TRPC7: variants seen among roughly 807,000 people sequenced by gnomAD.
The protein encoded by TRPC7 is short transient receptor potential channel 7.
A neutral mutation model predicts 90.1 loss-of-function variants in TRPC7; 42 were observed. The observed-to-expected ratio is 0.47, with a 90% CI of 0.36 to 0.60. The LOEUF (loss-of-function observed/expected upper bound fraction) is 0.60, where lower values mean the gene tolerates loss of function less well. TRPC7 is among the 20% of genes least tolerant of loss of function. TRPC7 has a pLI of 0.00. For missense variants in TRPC7, 955 were observed against 1,112.3 expected (o/e 0.86, Z 2.01); for synonymous variants, 451 against 436.3 (o/e 1.03, Z -0.42).
At chr5:136,309,523 A>T (rs573233981) in intron 3 of TRPC7, among the ~76,000 whole-genome samples, 1 of 152,304 alleles carries the variant, frequency 6.6e-6, no homozygotes, top group East Asian at 1.9e-4. Context: ...GCTAGCTGCC[A>T]AATAGCGCCG....
chr5:136,231,023 GA>G (rs1265181584), intron 8 of TRPC7, among the ~76,000 whole-genome samples: 2 of 152,196 alleles, frequency 1.3e-5, no homozygotes, highest in Non-Finnish European at 2.9e-5. Context: ...CGTGAGAGGC[GA>G]AAGGGGCCTG....
chr5:136,345,172 T>C (rs554782171), intron 2 of TRPC7, among the ~76,000 whole-genome samples: 2 of 152,324 alleles, frequency 1.3e-5, no homozygotes, highest in Non-Finnish European at 2.9e-5. Flanking sequence ...GAAATAAAAA[T>C]ATGTTGATAA....
intron 5 of TRPC7, among the ~76,000 whole-genome samples, chr5:136,252,899 G>A (rs376017097): frequency 1.3e-5 from 2 of 152,214 alleles, no homozygotes; most frequent in Non-Finnish European, 2.9e-5. Context: ...GTTGGGGACC[G>A]CTGCTCTAAG....
intron 2 of TRPC7, among the ~76,000 whole-genome samples, chr5:136,333,892 C>T (rs1759576542): frequency 6.6e-6 from 1 of 152,128 alleles, no homozygotes; most frequent in African/African-American, 2.4e-5. Flanking sequence ...CATATAATTA[C>T]AAAAACATTT....
intron 8 of TRPC7, among the ~76,000 whole-genome samples, chr5:136,230,581 C>G (rs547290618): frequency 1.8e-4 from 28 of 152,326 alleles, no homozygotes; most frequent in Admixed American, 8.5e-4. Context: ...AATTGCACAG[C>G]ATCCCATTTT....
At chr5:136,288,961 A>G (rs1175555770) in intron 3 of TRPC7, among the ~76,000 whole-genome samples, 6 of 152,192 alleles carry the variant, frequency 3.9e-5, no homozygotes, top group African/African-American at 1.4e-4. Flanking sequence ...TTGTCTTTGT[A>G]AACCCTCCCT....
Position 136,296,334 on chromosome 5 carries a change from C to G in TRPC7, c.963+19263G>C, listed in dbSNP as rs188684212. On this transcript the variant is annotated intron_variant, in intron 3 of 11. Coordinates refer to ENST00000513104, the MANE Select transcript of TRPC7 (RefSeq NM_020389.3). ...GGTCATTCTTATACCACTGGTGGCACTGAAAAATAATATAGTCCTTTGGGA... is the reference window on the plus strand; with the variant it reads ...GGTCATTCTTATACCACTGGTGGCAGTGAAAAATAATATAGTCCTTTGGGA... Among the ~76,000 whole-genome samples, 3 of 152,260 alleles carry G rather than the reference C, an allele frequency of 2.0e-5. No individual in the cohort carries two copies. In the East Asian group the frequency reaches 5.8e-4, roughly 29 times the overall value.
intron 7 of TRPC7, among the ~76,000 whole-genome samples, chr5:136,235,670 A>G (rs1024433108): frequency 1.3e-5 from 2 of 152,208 alleles, no homozygotes; most frequent in African/African-American, 2.4e-5. Flanking sequence ...GGAAGAAAAT[A>G]TCTTGGAATT....
At chr5:136,286,947 T>A (rs897443438) in intron 3 of TRPC7, among the ~76,000 whole-genome samples, 6 of 152,200 alleles carry the variant, frequency 3.9e-5, no homozygotes, top group Non-Finnish European at 8.8e-5. Flanking sequence ...CCATCTGAAA[T>A]CTGGCTCTTA....
chr5:136,263,025 A>T (rs1756906601), intron 5 of TRPC7, among the ~76,000 whole-genome samples: 1 of 152,240 alleles, frequency 6.6e-6, no homozygotes, highest in Admixed American at 6.5e-5. Context: ...AAAAGACACC[A>T]GAAATTTAAA....
chr5:136,251,000 C>T (rs907408629), intron 6 of TRPC7, among the ~76,000 whole-genome samples: 8 of 152,172 alleles, frequency 5.3e-5, no homozygotes, highest in South Asian at 2.1e-4. Flanking sequence ...AAAAGAAGGA[C>T]CCTTTTTTGC....
chr5:136,299,338 T>C (rs1428552994), intron 3 of TRPC7, among the ~76,000 whole-genome samples: 411 of 92,402 alleles, frequency 4.4e-3, no homozygotes, highest in African/African-American at 0.017. Context: ...CTGGGGTGTG[T>C]GCGTGTGTGT....
chr5:136,260,530 GC>G (rs1444091450), intron 5 of TRPC7, among the ~76,000 whole-genome samples: 1 of 152,186 alleles, frequency 6.6e-6, no homozygotes. Context: ...CAGAAGCAGT[GC>G]AAGGCAGAGA....
intron 7 of TRPC7, among the ~76,000 whole-genome samples, chr5:136,239,427 C>T (rs113946991): frequency 1.1e-3 from 162 of 152,324 alleles, no homozygotes; most frequent in African/African-American, 3.6e-3. Context: ...CTGGGAAAAA[C>T]GGGTCCTTCA....
At chr5:136,287,731 C>T (rs1185514481) in intron 3 of TRPC7, among the ~76,000 whole-genome samples, 3 of 85,174 alleles carry the variant, frequency 3.5e-5, no homozygotes, top group East Asian at 3.3e-4. Context: ...AAAAAAAAAC[C>T]CAGAAAAAAA....
At chr5:136,362,860 G>T (rs938500351) in intron 1 of TRPC7, among the ~76,000 whole-genome samples, 1 of 152,126 alleles carries the variant, frequency 6.6e-6, no homozygotes, top group Non-Finnish European at 1.5e-5. Context: ...TATGGCATAT[G>T]CACCTGGTGC....
At chr5:136,284,152 T>C (rs1045255805) in intron 3 of TRPC7, among the ~76,000 whole-genome samples, 1 of 152,154 alleles carries the variant, frequency 6.6e-6, no homozygotes, top group African/African-American at 2.4e-5. Context: ...CATGTTTTGG[T>C]CATACAGGAG....
chr5:136,356,973 G>A lies in TRPC7; in HGVS notation c.415C>T (p.Leu139Phe), dbSNP rs766151957. Reference sequence around the variant, plus strand: ...CGCAGCTCCTGTTCCAGCGGGCTGAGCGTCAGGCGCTGGCCCTGCGCGAAG... The same window carrying A: ...CGCAGCTCCTGTTCCAGCGGGCTGAACGTCAGGCGCTGGCCCTGCGCGAAG... Reference protein sequence around the residue: ...PAFAQGQRLTLSPLEQELRDD... With the variant: ...PAFAQGQRLTFSPLEQELRDD... Residue 139 changes from leucine (L) to phenylalanine (F), a missense_variant, in exon 2 of 12, where the codon CTC (leucine) becomes TTC (phenylalanine). Physicochemically the swap from Leu to Phe is conservative, Grantham distance 22. This residue lies in a region of TRPC7 where 484 missense variants were observed against 509.6 expected (regional missense o/e 0.95). Transcript: ENST00000513104. The A allele has an allele frequency of 6.2e-7, 1 of 1,612,310 alleles. No homozygotes were observed. The highest frequency in any genetic ancestry group is 2.2e-5 in the East Asian group (1 of 44,862).
At chr5:136,286,171 C>A (rs747628121) in intron 3 of TRPC7, among the ~76,000 whole-genome samples, 24 of 152,096 alleles carry the variant, frequency 1.6e-4, no homozygotes, top group Non-Finnish European at 3.4e-4. Context: ...CACAGCGTAC[C>A]CCCACAAGTA....
Sources: allele counts gnomAD v4.1 joint callset (sites outside exome capture counted in the v4.1 genomes callset), GRCh38; gene constraint gnomAD v4.1.1; regional missense constraint gnomAD v4.1.1; transcripts MANE v1.5; gene names NCBI Gene and HGNC (gene_info 2026-07-23, HGNC 2026-07-21).